NDUFAF2: variants seen among roughly 807,000 people sequenced by gnomAD.
The protein encoded by NDUFAF2 is NADH dehydrogenase [ubiquinone] 1 alpha subcomplex assembly factor 2.
A neutral mutation model predicts 22.8 loss-of-function variants in NDUFAF2; 13 were observed. The observed-to-expected ratio is 0.57, with a 90% CI of 0.37 to 0.91. The LOEUF (loss-of-function observed/expected upper bound fraction) is 0.91, where lower values mean the gene tolerates loss of function less well. NDUFAF2 is among the 40% of genes least tolerant of loss of function. The pLI, the probability that NDUFAF2 is intolerant of heterozygous loss-of-function variation, is 0.01. For synonymous variants in NDUFAF2, 53 were observed against 64.2 expected (o/e 0.83, Z 0.84); for missense variants, 162 against 195.2 (o/e 0.83, Z 1.01).
At chr5:60,953,311 G>C (rs1225412337) in intron 1 of NDUFAF2, among the ~76,000 whole-genome samples, 2 of 152,012 alleles carry the variant, frequency 1.3e-5, no homozygotes, top group Admixed American at 6.6e-5. Context: ...GAAGACAGTG[G>C]AACAATATCT....
intron 2 of NDUFAF2, among the ~76,000 whole-genome samples, chr5:61,085,267 A>G (rs1224621522): frequency 6.6e-6 from 1 of 152,208 alleles, no homozygotes; most frequent in African/African-American, 2.4e-5. Context: ...ATTTATATTC[A>G]GCATAATAAC....
At chr5:61,091,616 T>C (rs1752569362) in intron 2 of NDUFAF2, among the ~76,000 whole-genome samples, 1 of 152,340 alleles carries the variant, frequency 6.6e-6, no homozygotes, top group South Asian at 2.1e-4. Context: ...TTCCAGTCTG[T>C]AGGTTGTCTG....
chr5:60,992,298 A>G (rs1006339212), intron 1 of NDUFAF2, among the ~76,000 whole-genome samples: 1 of 152,026 alleles, frequency 6.6e-6, no homozygotes, highest in African/African-American at 2.4e-5. Context: ...GCATTTTGAC[A>G]CTTGACGTGA....
At chr5:61,105,338 G>C (rs1326929426) in intron 3 of NDUFAF2, among the ~76,000 whole-genome samples, 1 of 151,128 alleles carries the variant, frequency 6.6e-6, no homozygotes, top group Non-Finnish European at 1.5e-5. Flanking sequence ...CATTTTATAA[G>C]TTACAGAATT....
At chr5:61,097,265 A>G (rs1437722856) in intron 2 of NDUFAF2, among the ~76,000 whole-genome samples, 1 of 150,176 alleles carries the variant, frequency 6.7e-6, no homozygotes, top group African/African-American at 2.5e-5. Flanking sequence ...TGAAAATATC[A>G]TCATGTAGAA....
intron 2 of NDUFAF2, among the ~76,000 whole-genome samples, chr5:61,090,709 A>G (rs1280593529): frequency 6.6e-6 from 1 of 152,174 alleles, no homozygotes; most frequent in Non-Finnish European, 1.5e-5. Flanking sequence ...TTTTAAGTTC[A>G]GGGGTACATA....
intron 1 of NDUFAF2, among the ~76,000 whole-genome samples, chr5:60,962,298 T>C (rs2112568295): frequency 6.6e-6 from 1 of 152,034 alleles, no homozygotes; most frequent in South Asian, 2.1e-4. Context: ...TGACTTTTTT[T>C]GCAAAAGTTG....
At chr5:61,021,013 G>A (rs970486432) in intron 1 of NDUFAF2, among the ~76,000 whole-genome samples, 2 of 76,646 alleles carry the variant, frequency 2.6e-5, no homozygotes, top group Admixed American at 2.9e-4. Flanking sequence ...TTTTTTTTTT[G>A]CTATTTAAAG....
At chr5:60,960,696 ATTC>A (rs1750672105) in intron 1 of NDUFAF2, among the ~76,000 whole-genome samples, 1 of 152,216 alleles carries the variant, frequency 6.6e-6, no homozygotes, top group South Asian at 2.1e-4. Flanking sequence ...ATAAATTTCC[ATTC>A]TTATAAAATG....
intron 1 of NDUFAF2, among the ~76,000 whole-genome samples, chr5:61,031,323 AGGCCCT>A (rs1175155909): frequency 1.6e-4 from 24 of 152,004 alleles, no homozygotes; most frequent in Admixed American, 1.6e-3. Flanking sequence ...ACCCCCTGAC[AGGCCCT>A]GGTGTGTGAT....
intron 3 of NDUFAF2, among the ~76,000 whole-genome samples, chr5:61,111,969 G>C (rs920531710): frequency 6.6e-6 from 1 of 151,930 alleles, no homozygotes; most frequent in African/African-American, 2.4e-5. Flanking sequence ...ATGTTGCCCA[G>C]GCTGGTCTTG....
chr5:61,150,508 A>C (rs1343254184), intron 3 of NDUFAF2, among the ~76,000 whole-genome samples: 1 of 152,186 alleles, frequency 6.6e-6, no homozygotes, highest in African/African-American at 2.4e-5. Context: ...ATGTTGAATA[A>C]AGAGAAATTA....
chr5:61,016,320 T>C (rs374330813), intron 1 of NDUFAF2, among the ~76,000 whole-genome samples: 4 of 152,134 alleles, frequency 2.6e-5, no homozygotes, highest in African/African-American at 9.7e-5. Flanking sequence ...GGGAGTGGTA[T>C]GTTATATAAG....
chr5:61,012,626 GAAT>G (rs567992611), intron 1 of NDUFAF2, among the ~76,000 whole-genome samples: 48 of 151,704 alleles, frequency 3.2e-4, no homozygotes, highest in Admixed American at 1.2e-3. Context: ...TAGACATGTT[GAAT>G]AATAATATAT....
At chr5:60,972,498 G>A (rs1750848089) in intron 1 of NDUFAF2, among the ~76,000 whole-genome samples, 1 of 152,080 alleles carries the variant, frequency 6.6e-6, no homozygotes, top group Admixed American at 6.6e-5. Flanking sequence ...CCTGTGAAGA[G>A]GTGCCTTCTG....
At chr5:61,136,300 C>T (rs762370118) in intron 3 of NDUFAF2, among the ~76,000 whole-genome samples, 1 of 151,798 alleles carries the variant, frequency 6.6e-6, no homozygotes, top group Non-Finnish European at 1.5e-5. Flanking sequence ...AAGTCTGTTT[C>T]CCAATTTGAT....
intron 1 of NDUFAF2, among the ~76,000 whole-genome samples, chr5:61,065,667 A>G (rs1395133858): frequency 6.6e-6 from 1 of 152,130 alleles, no homozygotes; most frequent in Non-Finnish European, 1.5e-5. Flanking sequence ...AAAATTCTCA[A>G]CAGTTTAGTT....
rs527615981 is a variant in NDUFAF2 at position 61,027,850 on chromosome 5, A to G, written c.128-45275A>G. ...CTCTTTTAGCTTGTTGTCCCTGCCC[A>G]TATGTATTTTTTGTTTTTATGTATG... On this transcript the variant is annotated intron_variant, in intron 1 of 3. Transcript: ENST00000296597. 3.9e-5 allele frequency among the ~76,000 whole-genome samples: 6 copies of G among 151,938 alleles called. No homozygotes were observed. The East Asian group carries it at 9.7e-4, about 24-fold the overall frequency.
At chr5:61,146,994 A>AT (rs553468243) in intron 3 of NDUFAF2, among the ~76,000 whole-genome samples, 1 of 151,292 alleles carries the variant, frequency 6.6e-6, no homozygotes, top group East Asian at 1.9e-4. Context: ...CCTCATGTTG[A>AT]TTTTTTTTCT....
Sources: allele counts gnomAD v4.1 joint callset (sites outside exome capture counted in the v4.1 genomes callset), GRCh38; gene constraint gnomAD v4.1.1; transcripts MANE v1.5; gene names NCBI Gene and HGNC (gene_info 2026-07-23, HGNC 2026-07-21).